PCSK5: variants seen among roughly 807,000 people sequenced by gnomAD.
The protein encoded by PCSK5 is proprotein convertase subtilisin/kexin type 5.
A neutral mutation model predicts 233.2 loss-of-function variants in PCSK5; 129 were observed. The ratio of observed to expected loss-of-function variants is 0.55; its 90% CI spans 0.48 to 0.64. PCSK5 has a LOEUF of 0.64. Ranked by LOEUF, PCSK5 falls within the 30% of genes least tolerant of loss-of-function variation. The pLI, the probability that PCSK5 is intolerant of heterozygous loss-of-function variation, is 0.00. For synonymous variants in PCSK5, 825 were observed against 879.2 expected (o/e 0.94, Z 1.09); for missense variants, 2,076 against 2,430.1 (o/e 0.85, Z 3.06).
intron 30 of PCSK5, among the ~76,000 whole-genome samples, chr9:76,314,204 G>A (rs1828953198): frequency 6.6e-6 from 1 of 152,140 alleles, no homozygotes; most frequent in African/African-American, 2.4e-5. Flanking sequence ...CCATTTTCAT[G>A]GAGCAATGGG....
chr9:76,245,789 G>C (rs963984853), intron 24 of PCSK5, among the ~76,000 whole-genome samples: 6 of 152,138 alleles, frequency 3.9e-5, no homozygotes, highest in Non-Finnish European at 8.8e-5. Flanking sequence ...TGTCTTGAAG[G>C]GGGTATTAAG....
At chr9:75,976,415 G>C (rs1826024620) in intron 2 of PCSK5, among the ~76,000 whole-genome samples, 1 of 151,882 alleles carries the variant, frequency 6.6e-6, no homozygotes. Flanking sequence ...GAATAAGGGA[G>C]CTATCCTTTT....
intron 24 of PCSK5, among the ~76,000 whole-genome samples, chr9:76,265,937 C>A (rs1434946480): frequency 1.3e-5 from 2 of 152,102 alleles, no homozygotes; most frequent in Non-Finnish European, 2.9e-5. Context: ...TCTTTGCAAT[C>A]CTGTAAAGAG....
intron 37 of PCSK5, among the ~76,000 whole-genome samples, chr9:76,356,376 A>G (rs1052620527): frequency 6.6e-6 from 1 of 152,234 alleles, no homozygotes; most frequent in Non-Finnish European, 1.5e-5. Flanking sequence ...GCCCCTTCAA[A>G]GAAACCATAT....
At chr9:76,292,157 C>G in intron 24 of PCSK5, 76 bp from the exon 25 acceptor site, 1 of 831,014 alleles carries the variant, frequency 1.2e-6, no homozygotes, top group Non-Finnish European at 2.1e-6. Context: ...TTATCTCAAG[C>G]TACAGCTTTC....
At chr9:76,135,756 G>A (rs1020667292) in intron 10 of PCSK5, among the ~76,000 whole-genome samples, 6 of 152,092 alleles carry the variant, frequency 3.9e-5, no homozygotes, top group Non-Finnish European at 5.9e-5. Flanking sequence ...ACCTTAGCTA[G>A]TTGAAAGCTG....
chr9:76,175,107 C>G lies in PCSK5; in HGVS notation c.1878C>G (p.Asp626Glu), dbSNP rs1195289915. The G allele has an allele frequency of 6.2e-7, 1 of 1,613,934 alleles. No homozygotes were observed. Among genetic ancestry groups the G allele is most frequent in the East Asian group, 2.2e-5 (1 of 44,892 alleles). Residue 626 changes from aspartate (D) to glutamate (E), a missense_variant, in exon 14 of 38, where the codon GAC becomes GAG. By Grantham distance (45) the Asp-to-Glu change is conservative. Transcript: ENST00000674117. Reference sequence around the variant, plus strand: ...GCCGAGTTGAAGACCCCACAGACGACTATGGCACAGAGGATTATGCAGGTG... The same window carrying G: ...GCCGAGTTGAAGACCCCACAGACGAGTATGGCACAGAGGATTATGCAGGTG... Reference protein sequence around the residue: ...RYSRVEDPTDDYGTEDYAGPC... With the variant: ...RYSRVEDPTDEYGTEDYAGPC...
Position 76,362,285 on chromosome 9 carries a change from G to T in PCSK5, c.*3363G>T, listed in dbSNP as rs1587381274. ...CAAAAGGCTGGGTAAAGCATGGGAG[G>T]TTCCAGTTAATAGAAAGTAATTTTA... On this transcript the variant is annotated 3_prime_UTR_variant, in exon 38 of 38. Transcript: ENST00000674117. The T allele has an allele frequency of 6.6e-6, 1 of 152,152 alleles. No homozygotes were observed. Among genetic ancestry groups the T allele is most frequent in the Non-Finnish European group, 1.5e-5 (1 of 68,020 alleles). The allele number at this position is 152,152 out of a possible 1,614,324, so 9.4% of individuals were successfully genotyped here.
At chr9:76,258,539 C>T (rs1827056419) in intron 24 of PCSK5, among the ~76,000 whole-genome samples, 1 of 152,154 alleles carries the variant, frequency 6.6e-6, no homozygotes, top group Admixed American at 6.5e-5. Context: ...TCCAAATGAC[C>T]TGGCTTCAAC....
intron 2 of PCSK5, among the ~76,000 whole-genome samples, chr9:75,953,672 A>T (rs953715627): frequency 6.6e-6 from 1 of 151,898 alleles, no homozygotes; most frequent in African/African-American, 2.4e-5. Context: ...GTGTGTTTAC[A>T]TGTGCAGATT....
intron 12 of PCSK5, among the ~76,000 whole-genome samples, chr9:76,168,672 A>T (rs989943191): frequency 6.6e-6 from 1 of 152,218 alleles, no homozygotes; most frequent in Admixed American, 6.5e-5. Flanking sequence ...GATTTCAGGC[A>T]TAACTCCCTG....
intron 5 of PCSK5, among the ~76,000 whole-genome samples, chr9:76,043,335 C>CA (rs71372040): frequency 0.13 from 8,213 of 63,644 alleles, 823 homozygotes; most frequent in Non-Finnish European, 0.16. Context: ...GACTCCATCT[C>CA]AAAAAAAAAA....
chr9:75,966,832 C>T lies in PCSK5; in HGVS notation c.298-19300C>T, dbSNP rs572400773. 2.0e-5 allele frequency among the ~76,000 whole-genome samples: 3 copies of T among 152,300 alleles called. No individual in the cohort carries two copies. The South Asian group carries it at 6.2e-4, about 32-fold the overall frequency. ...TATGTAATGCTTCCTAGAATTAGATCTAGAACCATCTGGTTTTGTCCATCC... is the reference window on the plus strand; with the variant it reads ...TATGTAATGCTTCCTAGAATTAGATTTAGAACCATCTGGTTTTGTCCATCC... On this transcript the variant is annotated intron_variant, in intron 2 of 37. Coordinates refer to ENST00000674117, the MANE Select transcript of PCSK5 (RefSeq NM_001372043.1).
At chr9:76,154,999 A>G (rs1203296103) in intron 10 of PCSK5, among the ~76,000 whole-genome samples, 2 of 152,122 alleles carry the variant, frequency 1.3e-5, no homozygotes, top group Non-Finnish European at 2.9e-5. Context: ...GTTTTTGATA[A>G]TTTTCATTTT....
intron 24 of PCSK5, among the ~76,000 whole-genome samples, chr9:76,264,913 C>T (rs1205194744): frequency 6.6e-6 from 1 of 152,036 alleles, no homozygotes; most frequent in Non-Finnish European, 1.5e-5. Context: ...TTTATATATA[C>T]CCAAAAGAAA....
At chr9:76,086,180 C>T (rs1831053922) in intron 7 of PCSK5, among the ~76,000 whole-genome samples, 3 of 152,104 alleles carry the variant, frequency 2.0e-5, no homozygotes, top group Non-Finnish European at 2.9e-5. Context: ...AAACTTTTGG[C>T]AGGTGTGAGA....
At chr9:76,350,422 G>A (rs890172540) in intron 35 of PCSK5, among the ~76,000 whole-genome samples, 2 of 152,148 alleles carry the variant, frequency 1.3e-5, no homozygotes, top group Admixed American at 6.5e-5. Flanking sequence ...GTTTAGTGCC[G>A]TTTCTCAGTT....
At chr9:76,289,530 A>G (rs1828214738) in intron 24 of PCSK5, among the ~76,000 whole-genome samples, 1 of 93,130 alleles carries the variant, frequency 1.1e-5, no homozygotes, top group Non-Finnish European at 2.6e-5. Flanking sequence ...ACACACACAC[A>G]CACACACACA....
intron 30 of PCSK5, among the ~76,000 whole-genome samples, chr9:76,321,035 C>T (rs1829185741): frequency 1.3e-5 from 2 of 150,782 alleles, no homozygotes; most frequent in South Asian, 2.1e-4. Flanking sequence ...AGAATGGTCT[C>T]GATCTCCTGA....
Sources: gnomAD v4.1 joint callset for allele counts (sites outside exome capture counted in the v4.1 genomes callset) on GRCh38, gnomAD v4.1.1 for gene constraint, MANE v1.5 for transcripts, NCBI Gene and HGNC (gene_info 2026-07-23, HGNC 2026-07-21) for gene names.